Variants in MAST4 observed in about 807,000 individuals in gnomAD.
MAST4 encodes the protein microtubule associated serine/threonine kinase family member 4, also known as microtubule-associated serine/threonine-protein kinase 4.
A neutral mutation model predicts 162.7 loss-of-function variants in MAST4; 89 were observed. The ratio of observed to expected loss-of-function variants is 0.55; its 90% CI spans 0.46 to 0.65. The LOEUF is 0.65. MAST4 is among the 30% of genes least tolerant of loss of function. The pLI is 0.00. For synonymous variants in MAST4, 1,479 were observed against 1,361.1 expected, an observed-to-expected ratio of 1.09 and a Z score of -1.91; for missense variants, 3,153 against 3,374.0, an observed-to-expected ratio of 0.93 and a Z score of 1.62.
At chr5:67,079,465 AG>A (rs1409015251) in intron 5 of MAST4, among the ~76,000 whole-genome samples, 1 of 152,182 alleles carries the variant, frequency 6.6e-6, no homozygotes, top group Non-Finnish European at 1.5e-5. Flanking sequence ...CTATCAAAAG[AG>A]GTCACTTCTG....
chr5:66,706,481 C>A (rs1018735455), intron 1 of MAST4, among the ~76,000 whole-genome samples: 2 of 146,966 alleles, frequency 1.4e-5, no homozygotes, highest in Admixed American at 6.6e-5. Flanking sequence ...CCTATATGTT[C>A]TTTTAAGGGA....
At chr5:66,685,321 A>AC (rs1748586130) in intron 1 of MAST4, among the ~76,000 whole-genome samples, 1 of 143,616 alleles carries the variant, frequency 7.0e-6, no homozygotes, top group African/African-American at 2.6e-5. Context: ...CACCCCAAAA[A>AC]CCCCCAAAAA....
chr5:67,158,788 A>G (rs1006560420), intron 26 of MAST4, among the ~76,000 whole-genome samples: 1 of 152,222 alleles, frequency 6.6e-6, no homozygotes, highest in East Asian at 1.9e-4. Context: ...TAATCCCAGT[A>G]CTTTGGGAGG....
intron 13 of MAST4, among the ~76,000 whole-genome samples, chr5:67,119,985 A>G (rs1262615037): frequency 3.3e-5 from 5 of 152,250 alleles, no homozygotes; most frequent in African/African-American, 9.6e-5. Flanking sequence ...AATAATTAAA[A>G]GAGTAATAGT....
rs1750984173 is a variant in MAST4 at position 66,718,337 on chromosome 5, C to G, written c.364-41372C>G. The stretch of plus-strand genomic sequence containing the variant: ...ATGATTAAGTTATGATGTCATCTTG[C>G]TCCTTAGACACACGGCTTCTTCTAC... On this transcript the variant is annotated intron_variant, in intron 1 of 28. Transcript: ENST00000403625. 2.0e-5 allele frequency among the ~76,000 whole-genome samples: 3 copies of G among 151,902 alleles called. No individual in the cohort carries two copies. In the South Asian group the frequency reaches 6.2e-4, roughly 32 times the overall value.
chr5:66,838,289 T>C (rs1308532954), intron 3 of MAST4, among the ~76,000 whole-genome samples: 1 of 152,178 alleles, frequency 6.6e-6, no homozygotes, highest in Non-Finnish European at 1.5e-5. Flanking sequence ...TGTACATGTT[T>C]GAGCTCTCAA....
chr5:66,845,758 C>G (rs957857828), intron 3 of MAST4, among the ~76,000 whole-genome samples: 1 of 152,162 alleles, frequency 6.6e-6, no homozygotes, highest in African/African-American at 2.4e-5. Flanking sequence ...TATTTCTCCA[C>G]ATCCTCTCCA....
rs575880171 is a variant in MAST4, at chr5:66,756,199, A to G, written c.364-3510A>G. Among the ~76,000 whole-genome samples, 51 of 152,296 alleles carry G rather than the reference A, an allele frequency of 3.3e-4. No individual in the cohort carries two copies. In the South Asian group the frequency reaches 0.011, roughly 32 times the overall value. On this transcript the variant is annotated intron_variant, in intron 1 of 28. Transcript: ENST00000403625. ...CAATAATATTAAAGGAATCCTTCCA[A>G]ATTTTCTATGGCTCTTGTTGGAGGT...
At chr5:66,802,579 C>G (rs33724) in intron 3 of MAST4, among the ~76,000 whole-genome samples, 24,075 of 152,106 alleles carry the variant, frequency 0.16, 2,204 homozygotes, top group East Asian at 0.44. Flanking sequence ...TGTTTGAAGA[C>G]TGAGTTTTGG....
intron 19 of MAST4, among the ~76,000 whole-genome samples, chr5:67,141,514 C>G (rs1238229108): frequency 6.6e-6 from 1 of 152,030 alleles, no homozygotes; most frequent in Admixed American, 6.6e-5. Context: ...GAAAAAGAAG[C>G]CTGAAACTTG....
chr5:66,982,971 G>T (rs1175749893), intron 4 of MAST4, among the ~76,000 whole-genome samples: 2 of 152,180 alleles, frequency 1.3e-5, no homozygotes, highest in African/African-American at 4.8e-5. Context: ...AAGGAATGCT[G>T]CCCCATTCAT....
intron 1 of MAST4, among the ~76,000 whole-genome samples, chr5:66,645,729 G>C (rs1055308652): frequency 6.6e-6 from 1 of 152,032 alleles, no homozygotes; most frequent in African/African-American, 2.4e-5. Flanking sequence ...AAAAAGTAAA[G>C]GTAAATTAGG....
At position 66,990,473 on chromosome 5, in the gene MAST4, C is replaced by T. The variant is rs189021527; in HGVS notation, c.675-63931C>T. ...AAAACATAGGGAGACCTCGTCTCTA[C>T]ATAGAATTTTTTAAAATTAATCAGA... is the stretch of plus-strand genomic sequence containing the variant. On this transcript the variant is annotated intron_variant, in intron 4 of 28. Transcript: ENST00000403625. Among the ~76,000 whole-genome samples the T allele has an allele frequency of 2.7e-3, 418 of 152,196 alleles. 1 individual carries two copies. Among genetic ancestry groups the T allele is most frequent in the Admixed American group, 5.8e-3 (89 of 15,284 alleles).
chr5:66,804,073 A>G (rs1756057965), intron 3 of MAST4, among the ~76,000 whole-genome samples: 1 of 152,118 alleles, frequency 6.6e-6, no homozygotes, highest in Admixed American at 6.6e-5. Flanking sequence ...AAAAAAATAC[A>G]ACATTATCGT....
At chr5:66,750,941 G>T (rs1159277679) in intron 1 of MAST4, among the ~76,000 whole-genome samples, 1 of 152,232 alleles carries the variant, frequency 6.6e-6, no homozygotes, top group Non-Finnish European at 1.5e-5. Context: ...GCATGCAGCT[G>T]GAGATCTGAG....
chr5:66,786,773 C>A (rs2149671609), intron 2 of MAST4, among the ~76,000 whole-genome samples: 1 of 152,260 alleles, frequency 6.6e-6, no homozygotes, highest in East Asian at 1.9e-4. Flanking sequence ...ATGCAACATA[C>A]CTTGCCCAAA....
chr5:66,965,919 T>G (rs568697202), intron 4 of MAST4, among the ~76,000 whole-genome samples: 1 of 152,204 alleles, frequency 6.6e-6, no homozygotes, highest in African/African-American at 2.4e-5. Context: ...GATTGTATTT[T>G]AGGCAGAAAC....
At chr5:66,837,210 GAATT>G (rs1431685635) in intron 3 of MAST4, among the ~76,000 whole-genome samples, 2 of 152,150 alleles carry the variant, frequency 1.3e-5, no homozygotes, top group African/African-American at 2.4e-5. Flanking sequence ...TGCTGAGTAT[GAATT>G]CAAATGAGGT....
chr5:66,814,985 T>C (rs1051562041), intron 3 of MAST4, among the ~76,000 whole-genome samples: 1 of 152,188 alleles, frequency 6.6e-6, no homozygotes, highest in African/African-American at 2.4e-5. Context: ...ATTTGAATTA[T>C]GTTCTGAAAA....
Sources: gnomAD v4.1 joint callset for allele counts (sites outside exome capture counted in the v4.1 genomes callset) on GRCh38, gnomAD v4.1.1 for gene constraint, MANE v1.5 for transcripts, NCBI Gene and HGNC (gene_info 2026-07-23, HGNC 2026-07-21) for gene names.